Variants in OR51B5 observed in about 807,000 individuals in gnomAD.
OR51B5 encodes the protein olfactory receptor family 51 subfamily B member 5.
For synonymous variants in OR51B5, 186 were observed against 144.8 expected (o/e 1.28, Z -2.04); for missense variants, 456 against 374.6 (o/e 1.22, Z -1.79).
chr11:5,348,261 G>A (rs572495386), upstream of OR51B5, among the ~76,000 whole-genome samples: 122 of 152,224 alleles, frequency 8.0e-4, no homozygotes, highest in Admixed American at 2.0e-3. Flanking sequence ...GAACAAACCA[G>A]AGCATGGGTG....
intron 1 of OR51B5, among the ~76,000 whole-genome samples, chr11:5,451,471 C>G (rs1850847232): frequency 6.6e-6 from 1 of 152,200 alleles, no homozygotes; most frequent in Non-Finnish European, 1.5e-5. Flanking sequence ...CCCAAGTAAT[C>G]AGAGTTCTTG....
intron 1 of OR51B5, among the ~76,000 whole-genome samples, chr11:5,380,033 G>A (rs1437588523): frequency 1.3e-5 from 2 of 151,498 alleles, no homozygotes; most frequent in African/African-American, 4.8e-5. Context: ...CTCTGTTATA[G>A]CAAATCAAAA....
chr11:5,443,323 G>C (rs1850718463), intron 1 of OR51B5, among the ~76,000 whole-genome samples: 3 of 152,034 alleles, frequency 2.0e-5, no homozygotes, highest in Non-Finnish European at 4.4e-5. Flanking sequence ...AATATATATA[G>C]GTAGTGAGAA....
At chr11:5,470,992 A>C (rs1033172155) in intron 1 of OR51B5, among the ~76,000 whole-genome samples, 5 of 152,238 alleles carry the variant, frequency 3.3e-5, no homozygotes, top group South Asian at 2.1e-4. Flanking sequence ...AATAAGAAAT[A>C]AAAATTCAAG....
chr11:5,492,263 T>G (rs35939397), intron 1 of OR51B5, among the ~76,000 whole-genome samples: 18,151 of 151,930 alleles, frequency 0.12, 1,378 homozygotes, highest in Admixed American at 0.18. Context: ...CACACACATT[T>G]TCTTGTATAT....
chr11:5,385,307 A>G (rs146901104), intron 1 of OR51B5: 2 of 152,184 alleles, frequency 1.3e-5, no homozygotes, highest in South Asian at 4.1e-4. Context: ...GAGGAAGTAT[A>G]CTTTCCAAGA....
At chr11:5,385,569 C>T (rs1047143809) in intron 1 of OR51B5, 1 of 151,910 alleles carries the variant, frequency 6.6e-6, no homozygotes, top group Non-Finnish European at 1.5e-5. Flanking sequence ...TTAGAGAATT[C>T]CAGTCTAATC....
intron 1 of OR51B5, among the ~76,000 whole-genome samples, chr11:5,414,020 G>C (rs1254411016): frequency 6.7e-6 from 1 of 149,226 alleles, no homozygotes; most frequent in African/African-American, 2.5e-5. Context: ...AAAATGTTAA[G>C]GGCAGCCAGA....
chr11:5,452,498 C>A (rs1850869508), intron 1 of OR51B5, among the ~76,000 whole-genome samples: 1 of 81,172 alleles, frequency 1.2e-5, no homozygotes, highest in African/African-American at 5.1e-5. Flanking sequence ...GAGAGAGACT[C>A]TGTCTCAAAA....
rs558397670 is a variant in OR51B5, at chr11:5,395,463, C to T, written n.85-48553G>A. Among the ~76,000 whole-genome samples the T allele has an allele frequency of 4.7e-4, 72 of 152,174 alleles. 3 individuals are homozygous for T. In the South Asian group the frequency reaches 0.014, roughly 29 times the overall value. ...AATAGGGCAGCTTCCAGGAAGATGGCCAATCTGTTGTTAGGGCTGCTGTTC... is the reference window on the plus strand; with the variant it reads ...AATAGGGCAGCTTCCAGGAAGATGGTCAATCTGTTGTTAGGGCTGCTGTTC... On this transcript the variant is annotated intron_variant and non_coding_transcript_variant, in intron 1 of 4. Coordinates refer to the OR51B5 transcript ENST00000415970.
Position 5,402,198 on chromosome 11 carries a change from A to G in OR51B5, n.85-55288T>C, listed in dbSNP as rs1264744071. ...GGCTAATTTTTGTATTTTTTTTAGT[A>G]GAGACAGAGTTTCGCCATGTTGCCT... On this transcript the variant is annotated intron_variant and non_coding_transcript_variant, in intron 1 of 4. Coordinates refer to the OR51B5 transcript ENST00000415970. 2.6e-5 allele frequency among the ~76,000 whole-genome samples: 4 copies of G among 151,970 alleles called. No individual in the cohort carries two copies. In the East Asian group the frequency reaches 5.8e-4, roughly 22 times the overall value.
At chr11:5,412,662 C>G (rs976740161) in intron 1 of OR51B5, among the ~76,000 whole-genome samples, 3 of 152,194 alleles carry the variant, frequency 2.0e-5, no homozygotes, top group Non-Finnish European at 4.4e-5. Context: ...CTCAGAGGGT[C>G]CTACGCCGAC....
chr11:5,465,205 C>CAAAAAA (rs34459420), intron 1 of OR51B5, among the ~76,000 whole-genome samples: 23 of 45,420 alleles, frequency 5.1e-4, no homozygotes, highest in African/African-American at 1.6e-3. Flanking sequence ...GACTCCGTCT[C>CAAAAAA]AAAAAAAAAA....
intron 1 of OR51B5, among the ~76,000 whole-genome samples, chr11:5,433,255 T>C (rs1277530455): frequency 6.6e-6 from 1 of 151,900 alleles, no homozygotes; most frequent in African/African-American, 2.4e-5. Flanking sequence ...CAGAGAGAAA[T>C]AGCTAATCCC....
chr11:5,498,049 G>C (rs1358898377), intron 1 of OR51B5, among the ~76,000 whole-genome samples: 1 of 152,088 alleles, frequency 6.6e-6, no homozygotes, highest in African/African-American at 2.4e-5. Context: ...ATTATGTTTT[G>C]GGTTTTAAAA....
At chr11:5,483,339 A>G (rs1851452509) in intron 1 of OR51B5, among the ~76,000 whole-genome samples, 1 of 117,046 alleles carries the variant, frequency 8.5e-6, no homozygotes, top group Non-Finnish European at 1.6e-5. Flanking sequence ...GGGGAATATC[A>G]CACTCTGGGG....
chr11:5,341,891 G>A (rs1177305396), downstream of OR51B5, among the ~76,000 whole-genome samples: 2 of 152,260 alleles, frequency 1.3e-5, no homozygotes, highest in East Asian at 1.9e-4. Flanking sequence ...CTGTGTCTAC[G>A]TCCTCTCATT....
At chr11:5,427,974 G>A (rs1018602329) in intron 1 of OR51B5, among the ~76,000 whole-genome samples, 6 of 152,010 alleles carry the variant, frequency 3.9e-5, no homozygotes, top group Non-Finnish European at 7.4e-5. Flanking sequence ...GAGGAAAAAG[G>A]TACTGATGTA....
chr11:5,441,332 C>G (rs574717675), intron 1 of OR51B5: 1 of 1,613,944 alleles, frequency 6.2e-7, no homozygotes, highest in South Asian at 1.1e-5. Context: ...GGAAGTAGTA[C>G]ATGGGCTGAT....
Sources: gnomAD v4.1 joint callset for allele counts (sites outside exome capture counted in the v4.1 genomes callset) on GRCh38, gnomAD v4.1.1 for gene constraint, MANE v1.5 for transcripts, NCBI Gene and HGNC (gene_info 2026-07-23, HGNC 2026-07-21) for gene names.